Variants in ANGPT2 observed in about 807,000 individuals in gnomAD.
ANGPT2 encodes angiopoietin 2.
A neutral mutation model predicts 62.9 loss-of-function variants in ANGPT2; 28 were observed. The observed-to-expected ratio is 0.44, with a 90% CI of 0.33 to 0.61. The LOEUF is 0.61. Among genes scored for constraint, ANGPT2 ranks in the 20% least tolerant of loss-of-function variants. The probability of loss-of-function intolerance (pLI) is 0.03; values close to 1 mark genes in which losing one functional copy is unlikely to be tolerated. For missense variants in ANGPT2, 727 were observed against 594.9 expected (o/e 1.22, Z -2.31); for synonymous variants, 284 against 207.8 (o/e 1.37, Z -3.15).
chr8:6,513,425 C>T (rs111791358), intron 7 of ANGPT2, among the ~76,000 whole-genome samples: 60 of 151,816 alleles, frequency 4.0e-4, no homozygotes, highest in Admixed American at 9.2e-4. Flanking sequence ...CTCCGCCTCC[C>T]GGGTTCACGC....
chr8:6,546,165 G>A (rs1376573287), intron 1 of ANGPT2, among the ~76,000 whole-genome samples: 1 of 152,208 alleles, frequency 6.6e-6, no homozygotes, highest in Non-Finnish European at 1.5e-5. Flanking sequence ...AAATTAAGTG[G>A]AATGAGTTAG....
intron 1 of ANGPT2, among the ~76,000 whole-genome samples, chr8:6,536,644 T>C (rs1820551383): frequency 6.6e-6 from 1 of 152,140 alleles, no homozygotes; most frequent in Non-Finnish European, 1.5e-5. Flanking sequence ...AGAAAGACTA[T>C]GGATGTCCAT....
chr8:6,521,083 G>A (rs1252919936), intron 4 of ANGPT2, 95 bp downstream of exon 4: 2 of 849,008 alleles, frequency 2.4e-6, no homozygotes, highest in East Asian at 2.5e-5. Context: ...ATGAGAAATA[G>A]CGCCTTTTCT....
intron 2 of ANGPT2, among the ~76,000 whole-genome samples, chr8:6,529,623 ATTTT>A (rs35322987): frequency 8.3e-6 from 1 of 120,972 alleles, no homozygotes; most frequent in Admixed American, 8.8e-5. Flanking sequence ...CGCCTGGCTA[ATTTT>A]TTTTTTTTTT....
intron 1 of ANGPT2, among the ~76,000 whole-genome samples, chr8:6,538,463 A>G (rs1391376732): frequency 6.6e-6 from 1 of 152,178 alleles, no homozygotes; most frequent in Non-Finnish European, 1.5e-5. Flanking sequence ...TTGCCTGAGG[A>G]TAAGGTCCAG....
At chr8:6,514,313 C>T (rs1422112712) in intron 6 of ANGPT2, among the ~76,000 whole-genome samples, 1 of 152,164 alleles carries the variant, frequency 6.6e-6, no homozygotes, top group African/African-American at 2.4e-5. Flanking sequence ...CCTCAGCCTC[C>T]TGAGTAGCTG....
chr8:6,514,113 G>A (rs79324428), intron 6 of ANGPT2, among the ~76,000 whole-genome samples: 9 of 152,200 alleles, frequency 5.9e-5, no homozygotes, highest in Non-Finnish European at 1.3e-4. Context: ...AAACAGCTCA[G>A]TTCATGGGAA....
rs1456652780 is a variant in ANGPT2 at position 6,505,353 on chromosome 8, TTCTA to T, written c.1328-2096_1328-2093del. Among the ~76,000 whole-genome samples the T allele has an allele frequency of 4.2e-3, 286 of 68,802 alleles. 30 individuals are homozygous for T. The highest frequency in any genetic ancestry group is 0.019 in the African/African-American group (267 of 14,216). The allele number at this position is 68,802 out of a possible 152,430, so 45.1% of individuals were successfully genotyped here. A position where few individuals can be genotyped will look rare whatever the true frequency, so the allele number is the denominator to read the frequency against. ...CATATAGAAAGAATATATATATTCT[TTCTA>T]TATGTATATAGAATATATATATTCT... On this transcript the variant is annotated intron_variant, in intron 8 of 8. Transcript: ENST00000629816.
At chr8:6,503,903 C>T (rs1463411463) in intron 8 of ANGPT2, among the ~76,000 whole-genome samples, 2 of 152,182 alleles carry the variant, frequency 1.3e-5, no homozygotes, top group Non-Finnish European at 2.9e-5. Flanking sequence ...CAGGAGCATG[C>T]TGGGGTTTGT....
At chr8:6,523,630 C>T (rs1401944473) in intron 3 of ANGPT2, among the ~76,000 whole-genome samples, 1 of 152,106 alleles carries the variant, frequency 6.6e-6, no homozygotes, top group Non-Finnish European at 1.5e-5. Context: ...CGCGCTGTGG[C>T]CTGGGCTGTT....
chr8:6,551,382 T>G, intron 1 of ANGPT2, among the ~76,000 whole-genome samples: 1 of 148,728 alleles, frequency 6.7e-6, no homozygotes, highest in South Asian at 2.1e-4. Context: ...GCCAATTATG[T>G]AACTGTAAAC....
rs1282645442 is a variant in ANGPT2 at position 6,505,340 on chromosome 8, A to T, written c.1328-2079T>A. On this transcript the variant is annotated intron_variant, in intron 8 of 8. Transcript: ENST00000629816. Reference sequence around the variant, plus strand: ...TATATGTTATATACATATAGAAAGAATATATATATTCTTTCTATATGTATA... The same window carrying T: ...TATATGTTATATACATATAGAAAGATTATATATATTCTTTCTATATGTATA... 1.1e-3 allele frequency among the ~76,000 whole-genome samples: 47 copies of T among 40,944 alleles called. 7 individuals carry two copies. Among genetic ancestry groups the T allele is most frequent in the East Asian group, 2.9e-3 (8 of 2,770 alleles). The allele number at this position is 40,944 out of a possible 152,430, so 26.9% of individuals were successfully genotyped here.
intron 2 of ANGPT2, among the ~76,000 whole-genome samples, chr8:6,529,515 C>T (rs1819043114): frequency 6.6e-6 from 1 of 150,882 alleles, no homozygotes; most frequent in Admixed American, 6.6e-5. Flanking sequence ...GCGGTGGCAC[C>T]ATATCTGTTC....
At chr8:6,513,893 G>A (rs373603272) in intron 6 of ANGPT2, 49 bp from the exon 7 acceptor site, 208 of 1,537,570 alleles carry the variant, frequency 1.4e-4, no homozygotes, top group East Asian at 6.9e-5. Flanking sequence ...TTTTTTCTTT[G>A]TATATTTGAA....
chr8:6,556,779 G>A (rs1824688948), intron 1 of ANGPT2, among the ~76,000 whole-genome samples: 1 of 151,916 alleles, frequency 6.6e-6, no homozygotes, highest in Non-Finnish European at 1.5e-5. Flanking sequence ...GTAGAGATGG[G>A]GGTCTCACTC....
At chr8:6,518,504 G>C (rs1054123760) in intron 5 of ANGPT2, among the ~76,000 whole-genome samples, 4 of 152,134 alleles carry the variant, frequency 2.6e-5, no homozygotes, top group African/African-American at 9.7e-5. Context: ...GGTTTCTTTG[G>C]AAAGCATTAT....
At chr8:6,551,839 C>T (rs538317403) in intron 1 of ANGPT2, among the ~76,000 whole-genome samples, 2 of 152,248 alleles carry the variant, frequency 1.3e-5, no homozygotes, top group East Asian at 1.9e-4. Flanking sequence ...CGTACTTTCT[C>T]GAGCAGAATT....
In ANGPT2 at chr8:6,501,405, G is replaced by A. The variant is rs1028031322; in HGVS notation, c.*1696C>T. On this transcript the variant is annotated 3_prime_UTR_variant, in exon 9 of 9. Coordinates refer to ENST00000629816, the MANE Select transcript of ANGPT2 (RefSeq NM_001118887.2). ...GCAAATGATTCAGAAAAGAATATAT[G>A]AGAAATTGCCTTTAAATTATAAAGC... The A allele has an allele frequency of 6.6e-6, 1 of 152,154 alleles. No homozygotes were observed. Among genetic ancestry groups the A allele is most frequent in the Non-Finnish European group, 1.5e-5 (1 of 68,030 alleles). The allele number at this position is 152,154 out of a possible 1,614,324, so 9.4% of individuals were successfully genotyped here. A position where few individuals can be genotyped will look rare whatever the true frequency, so the allele number is the denominator to read the frequency against.
chr8:6,511,607 T>C (rs1488112039), intron 7 of ANGPT2, among the ~76,000 whole-genome samples: 1 of 152,238 alleles, frequency 6.6e-6, no homozygotes, highest in Non-Finnish European at 1.5e-5. Flanking sequence ...CATTTGCAGT[T>C]ATGAGAAGTT....
Sources: allele counts gnomAD v4.1 joint callset (sites outside exome capture counted in the v4.1 genomes callset), GRCh38; gene constraint gnomAD v4.1.1; transcripts MANE v1.5; gene names NCBI Gene and HGNC (gene_info 2026-07-23, HGNC 2026-07-21).